The following JMJD1C variants were observed in gnomAD, a reference collection of about 807,000 sequenced individuals.
The protein encoded by JMJD1C is jumonji domain containing 1C.
A neutral mutation model predicts 245.3 loss-of-function variants in JMJD1C; 31 were observed. The ratio of observed to expected loss-of-function variants is 0.13; its 90% CI spans 0.09 to 0.17. JMJD1C has a LOEUF of 0.17. Among genes scored for constraint, JMJD1C ranks in the 10% least tolerant of loss-of-function variants. The pLI is 1.00. For synonymous variants in JMJD1C, 1,057 were observed against 1,017.4 expected (o/e 1.04, Z -0.74); for missense variants, 2,691 against 3,000.2 (o/e 0.90, Z 2.41).
intron 1 of JMJD1C, among the ~76,000 whole-genome samples, chr10:63,397,278 A>G (rs2132552387): frequency 6.6e-6 from 1 of 152,266 alleles, no homozygotes; most frequent in South Asian, 2.1e-4. Context: ...CAATGGCACA[A>G]TCTCAGCTCA....
At chr10:63,411,824 G>A (rs1159502033) in intron 1 of JMJD1C, among the ~76,000 whole-genome samples, 1 of 149,978 alleles carries the variant, frequency 6.7e-6, no homozygotes, top group Non-Finnish European at 1.5e-5. Flanking sequence ...GTATGGCCTC[G>A]ATCTCCTGAC....
intron 3 of JMJD1C, 62 bp downstream of exon 3, chr10:63,264,589 G>T: frequency 1.4e-6 from 1 of 739,218 alleles, no homozygotes. Context: ...TTTAAAGAAT[G>T]TCTGAATATC....
chr10:63,317,272 G>A (rs1399680646), intron 2 of JMJD1C, among the ~76,000 whole-genome samples: 4 of 152,072 alleles, frequency 2.6e-5, no homozygotes, highest in African/African-American at 7.2e-5. Flanking sequence ...TTGGGAGGCC[G>A]AGGTGGGCAG....
At chr10:63,520,946 G>A (rs1435406784) in intron 1 of JMJD1C, among the ~76,000 whole-genome samples, 3 of 152,202 alleles carry the variant, frequency 2.0e-5, no homozygotes, top group African/African-American at 4.8e-5. Context: ...TAAACACTGA[G>A]GATACCGGAT....
chr10:63,251,075 T>A (rs1853002291), intron 3 of JMJD1C, among the ~76,000 whole-genome samples: 1 of 152,160 alleles, frequency 6.6e-6, no homozygotes, highest in African/African-American at 2.4e-5. Flanking sequence ...GCCTAGGTAT[T>A]GCGTTTTTCA....
intron 2 of JMJD1C, among the ~76,000 whole-genome samples, chr10:63,361,719 T>TAAAAA (rs55879769): frequency 0.013 from 1,197 of 95,154 alleles, 6 homozygotes; most frequent in Non-Finnish European, 0.017. Flanking sequence ...CTGTCTCAAC[T>TAAAAA]AAAAAAAAAA....
intron 2 of JMJD1C, among the ~76,000 whole-genome samples, chr10:63,317,030 T>C (rs1000960607): frequency 5.3e-5 from 8 of 151,998 alleles, no homozygotes; most frequent in African/African-American, 1.7e-4. Flanking sequence ...TGGCTAATTT[T>C]TGTATTTTTA....
At chr10:63,448,647 A>G (rs1181107549) in intron 1 of JMJD1C, among the ~76,000 whole-genome samples, 1 of 152,242 alleles carries the variant, frequency 6.6e-6, no homozygotes, top group Non-Finnish European at 1.5e-5. Context: ...GCTAAAGTAT[A>G]GTGTTCTAGA....
At position 63,465,439 on chromosome 10, in the gene JMJD1C, C is replaced by T. The variant is rs1953158802; in HGVS notation, c.168+56G>A. 3 of 1,499,624 alleles carry T rather than the reference C, an allele frequency of 2.0e-6. No individual in the cohort carries two copies. The African/African-American group carries it at 4.1e-5, about 20-fold the overall frequency. 92.9% of individuals were successfully genotyped at this position (1,499,624 alleles called of 1,614,324 possible). ...CCAGAGGGAAGCCTGCAAGGTACGT[C>T]TGCGAGAGCCGGGTGCGGGCGCGGC... On this transcript the variant is annotated intron_variant, in intron 1 of 25. Transcript: ENST00000399262.
At chr10:63,340,603 A>G (rs1943280327) in intron 2 of JMJD1C, among the ~76,000 whole-genome samples, 2 of 152,224 alleles carry the variant, frequency 1.3e-5, no homozygotes, top group Non-Finnish European at 2.9e-5. Flanking sequence ...TGTCTTACAA[A>G]ACAGTATGGT....
rs1431531012 is a variant in JMJD1C at position 63,190,990 on chromosome 10, G to A, written c.6195C>T (p.Thr2065=). The A allele has an allele frequency of 6.2e-7, 1 of 1,614,036 alleles. No homozygotes were observed. Among genetic ancestry groups the A allele is most frequent in the South Asian group, 1.1e-5 (1 of 91,088 alleles). The change falls in exon 17 of 26, where the codon ACC becomes ACT. Residue 2065 remains threonine, a synonymous_variant. Transcript: ENST00000399262. ...CTGTTGTAGTCAGCAAATCCCGTAAGGTTGAGCCTTGTTCATTATTCTGGG... is the reference window on the plus strand; with the variant it reads ...CTGTTGTAGTCAGCAAATCCCGTAAAGTTGAGCCTTGTTCATTATTCTGGG... ...LVSQNNEQGS[T]LRDLLTTTAG...
At chr10:63,440,152 T>C (rs951538377) in intron 1 of JMJD1C, among the ~76,000 whole-genome samples, 3 of 151,998 alleles carry the variant, frequency 2.0e-5, no homozygotes, top group Non-Finnish European at 2.9e-5. Flanking sequence ...CTGACCAACA[T>C]AGTGAAACCC....
intron 1 of JMJD1C, among the ~76,000 whole-genome samples, chr10:63,464,812 A>G (rs1438348390): frequency 1.3e-5 from 2 of 152,218 alleles, no homozygotes; most frequent in South Asian, 2.1e-4. Context: ...CCAAAGAACT[A>G]TACCTTTCTA....
chr10:63,348,417 T>C (rs1237972337), intron 2 of JMJD1C, among the ~76,000 whole-genome samples: 1 of 152,152 alleles, frequency 6.6e-6, no homozygotes, highest in Non-Finnish European at 1.5e-5. Context: ...AAGCTTTACA[T>C]AATCCAGAGA....
intron 14 of JMJD1C, chr10:63,193,798 C>G (rs915303125): frequency 3.5e-4 from 67 of 190,140 alleles, no homozygotes; most frequent in Middle Eastern, 2.4e-3. Context: ...TCCCAAGTAG[C>G]TGGGACTACA....
intron 3 of JMJD1C, among the ~76,000 whole-genome samples, chr10:63,237,718 G>A (rs1293578491): frequency 1.3e-5 from 2 of 152,106 alleles, no homozygotes; most frequent in Non-Finnish European, 1.5e-5. Flanking sequence ...TTTGCATTAC[G>A]CTTAGTAGTT....
chr10:63,283,825 C>A (rs1186194193), intron 2 of JMJD1C, among the ~76,000 whole-genome samples: 1 of 151,628 alleles, frequency 6.6e-6, no homozygotes, highest in African/African-American at 2.4e-5. Context: ...TAAAAAGTTA[C>A]ATAATTCAGT....
intron 1 of JMJD1C, among the ~76,000 whole-genome samples, chr10:63,519,281 C>T (rs1468912261): frequency 1.3e-5 from 2 of 152,184 alleles, no homozygotes; most frequent in East Asian, 3.9e-4. Flanking sequence ...TCAGCAACCC[C>T]TGAAGGCATT....
chr10:63,209,257 A>C, intron 8 of JMJD1C, 22 bp from the exon 9 acceptor site: 5 of 1,576,158 alleles, frequency 3.2e-6, no homozygotes, highest in Non-Finnish European at 4.3e-6. Context: ...ACAAAACAAA[A>C]AAAACACCTA....
Sources: allele counts gnomAD v4.1 joint callset (sites outside exome capture counted in the v4.1 genomes callset), GRCh38; gene constraint gnomAD v4.1.1; transcripts MANE v1.5; gene names NCBI Gene and HGNC (gene_info 2026-07-23, HGNC 2026-07-21).